Variants in SOCS2 observed in about 807,000 individuals in gnomAD.
The protein encoded by SOCS2 is suppressor of cytokine signaling 2.
SOCS2 carries 10 observed loss-of-function variants against 18.6 expected under a neutral mutation model. The ratio of observed to expected loss-of-function variants is 0.54; its 90% confidence interval spans 0.33 to 0.91. SOCS2 has a LOEUF of 0.91. SOCS2 is among the 40% of genes least tolerant of loss of function. The probability of loss-of-function intolerance (pLI) is 0.02; values close to 1 mark genes in which losing one functional copy is unlikely to be tolerated. For missense variants in SOCS2, 231 were observed against 247.2 expected (o/e 0.93, Z 0.44); for synonymous variants, 104 against 104.0 (o/e 1.00, Z 0.00).
upstream of SOCS2, chr12:93,571,021 G>A (rs1954232478): frequency 6.5e-6 from 1 of 154,226 alleles, no homozygotes. Context: ...CGCACTCGCT[G>A]CTCCTGGGAC....
At chr12:93,591,365 T>C in the SOCS2 span, among the ~76,000 whole-genome samples, 1 of 151,910 alleles carries the variant, frequency 6.6e-6, no homozygotes, top group East Asian at 1.9e-4. Flanking sequence ...TAGATATTTC[T>C]AGGAACTAGT....
the SOCS2 span, among the ~76,000 whole-genome samples, chr12:93,605,906 A>G: frequency 1.3e-5 from 2 of 152,348 alleles, no homozygotes; most frequent in Admixed American, 1.3e-4. Context: ...TACTTCAGAT[A>G]TTAGACAGGG....
chr12:93,613,940 C>T, the SOCS2 span, among the ~76,000 whole-genome samples: 1 of 152,102 alleles, frequency 6.6e-6, no homozygotes, highest in Non-Finnish European at 1.5e-5. Flanking sequence ...AAGAATAGAA[C>T]ACACTTCAAA....
At chr12:93,591,411 G>A in the SOCS2 span, among the ~76,000 whole-genome samples, 6 of 152,330 alleles carry the variant, frequency 3.9e-5, no homozygotes, top group African/African-American at 1.4e-4. Flanking sequence ...CGAGGAGAAA[G>A]CGTGTGTGCG....
the SOCS2 span, among the ~76,000 whole-genome samples, chr12:93,598,408 C>T: frequency 6.6e-6 from 1 of 152,092 alleles, no homozygotes; most frequent in African/African-American, 2.4e-5. Flanking sequence ...TTTATTAAGG[C>T]TGCAGTGGGA....
rs1311917297 is a variant in SOCS2 at position 93,572,732 on chromosome 12, C to T, written c.-166C>T. The T allele has an allele frequency of 2.2e-6, 2 of 904,098 alleles. No homozygotes were observed. The highest frequency in any genetic ancestry group is 3.5e-6 in the Non-Finnish European group (2 of 569,210). 56.0% of individuals were successfully genotyped at this position (904,098 alleles called of 1,614,324 possible). A position where few individuals can be genotyped will look rare whatever the true frequency, so the allele number is the denominator to read the frequency against. On this transcript the variant is annotated 5_prime_UTR_variant, in exon 1 of 2. Transcript: ENST00000551556. The surrounding 1 kb of genome is among the most constrained non-coding windows in gnomAD (Gnocchi z 5.0). Reference sequence around the variant, plus strand: ...TGCGAGGGACTTTGTCATCCGTCCTCCAGGATCTGGGGAGAAAGAGCCCCA... The same window carrying T: ...TGCGAGGGACTTTGTCATCCGTCCTTCAGGATCTGGGGAGAAAGAGCCCCA...
chr12:93,571,904 CCGA>C, upstream of SOCS2: 1 of 433,410 alleles, frequency 2.3e-6, no homozygotes, highest in South Asian at 1.6e-5. Context: ...GCGGCCGCGG[CCGA>C]GGTCGAGGTA....
chr12:93,614,531 C>T, the SOCS2 span, among the ~76,000 whole-genome samples: 13 of 88,346 alleles, frequency 1.5e-4, no homozygotes, highest in Admixed American at 5.6e-4. Flanking sequence ...TTCCTTCCTT[C>T]CTTCCTTCCT....
chr12:93,571,926 G>T (rs1356096903), upstream of SOCS2: 1 of 410,642 alleles, frequency 2.4e-6, no homozygotes, highest in African/African-American at 2.2e-5. Flanking sequence ...TAAGAGCGCG[G>T]CGTTGGTGGT....
chr12:93,582,886 C>T (rs976772108), intron 1 of SOCS2: 2 of 152,058 alleles, frequency 1.3e-5, no homozygotes, highest in South Asian at 4.2e-4. Context: ...AGGCAGGCTC[C>T]ACCTATCAGT....
chr12:93,579,919 A>G (rs956377910), downstream of SOCS2, among the ~76,000 whole-genome samples: 1 of 152,020 alleles, frequency 6.6e-6, no homozygotes, highest in East Asian at 1.9e-4. Flanking sequence ...TTTACAGACA[A>G]CTCTCACTTT....
At chr12:93,613,149 TC>T in the SOCS2 span, among the ~76,000 whole-genome samples, 1 of 152,216 alleles carries the variant, frequency 6.6e-6, no homozygotes, top group Non-Finnish European at 1.5e-5. Flanking sequence ...ATCTGAAGGC[TC>T]TGCTCATTGC....
the SOCS2 span, among the ~76,000 whole-genome samples, chr12:93,597,840 A>C: frequency 6.6e-6 from 1 of 152,262 alleles, no homozygotes; most frequent in African/African-American, 2.4e-5. Flanking sequence ...ACTCTACCCA[A>C]AAGTTATTGT....
At chr12:93,611,594 T>C in the SOCS2 span, among the ~76,000 whole-genome samples, 1 of 152,180 alleles carries the variant, frequency 6.6e-6, no homozygotes, top group African/African-American at 2.4e-5. Flanking sequence ...CACCATCAGC[T>C]ATAGCAACCA....
rs1009918139 is a variant in SOCS2 at position 93,575,340 on chromosome 12, G to C, written c.*161G>C. The C allele has an allele frequency of 2.0e-5, 10 of 488,280 alleles. 1 individual carries two copies. The Admixed American group carries it at 2.7e-4, about 13-fold the overall frequency. The allele number at this position is 488,280 out of a possible 1,614,324, so 30.2% of individuals were successfully genotyped here. A position where few individuals can be genotyped will look rare whatever the true frequency, so the allele number is the denominator to read the frequency against. On this transcript the variant is annotated 3_prime_UTR_variant, in exon 2 of 2. Transcript: ENST00000551556. Reference sequence around the variant, plus strand: ...ATTTAACAGCTTGAAGAGGTAGCTAGGTGTTTAAAGTTCCTCCAGATACTT... The same window carrying C: ...ATTTAACAGCTTGAAGAGGTAGCTACGTGTTTAAAGTTCCTCCAGATACTT...
chr12:93,620,155 GA>G, the SOCS2 span, among the ~76,000 whole-genome samples: 16 of 151,030 alleles, frequency 1.1e-4, no homozygotes, highest in Non-Finnish European at 1.8e-4. Flanking sequence ...TTTTGTTTAA[GA>G]AAAAAAATCA....
chr12:93,616,377 C>T, the SOCS2 span, among the ~76,000 whole-genome samples: 1 of 152,192 alleles, frequency 6.6e-6, no homozygotes, highest in Non-Finnish European at 1.5e-5. Flanking sequence ...GCACTGAGGT[C>T]TCTCATAATG....
At chr12:93,610,657 G>A in the SOCS2 span, among the ~76,000 whole-genome samples, 883 of 152,260 alleles carry the variant, frequency 5.8e-3, 2 homozygotes, top group Non-Finnish European at 9.2e-3. Context: ...AGGTAGAAGG[G>A]AGTGCCCTAG....
the SOCS2 span, among the ~76,000 whole-genome samples, chr12:93,589,477 TG>T: frequency 6.6e-6 from 1 of 152,224 alleles, no homozygotes; most frequent in Non-Finnish European, 1.5e-5. Context: ...TTAGTGATGG[TG>T]GGTTAAATAA....
Sources: gnomAD v4.1 joint callset for allele counts (sites outside exome capture counted in the v4.1 genomes callset) on GRCh38, gnomAD v4.1.1 for gene constraint, Gnocchi (gnomAD v3.1) non-coding constraint, MANE v1.5 for transcripts, NCBI Gene and HGNC (gene_info 2026-07-23, HGNC 2026-07-21) for gene names.